Variants in KIRREL1 observed in about 807,000 individuals in gnomAD.
KIRREL1 encodes kin of IRRE-like protein 1.
Under a neutral mutation model 83.3 loss-of-function variants are expected in KIRREL1, and 25 were observed. That is an observed-to-expected ratio of 0.30 (90% CI 0.22 to 0.42). The LOEUF (loss-of-function observed/expected upper bound fraction) is 0.42. KIRREL1 is among the 10% of genes least tolerant of loss of function. The probability of loss-of-function intolerance (pLI) is 1.00; values close to 1 mark genes in which losing one functional copy is unlikely to be tolerated. For missense variants in KIRREL1, 812 were observed against 1,032.3 expected (o/e 0.79, Z 2.92); for synonymous variants, 388 against 410.4 (o/e 0.95, Z 0.66).
At chr1:158,077,018 G>A (rs1241010619) in intron 2 of KIRREL1, among the ~76,000 whole-genome samples, 2 of 152,204 alleles carry the variant, frequency 1.3e-5, no homozygotes, top group Non-Finnish European at 2.9e-5. Context: ...GTGGTTGCAG[G>A]CCGGTCTGCC....
In KIRREL1 at chr1:158,076,158, T is replaced by C; in HGVS notation, c.98T>C (p.Val33Ala). The C allele has an allele frequency of 8.7e-6, 14 of 1,614,156 alleles. No individual in the cohort carries two copies. Among genetic ancestry groups the C allele is most frequent in the Non-Finnish European group, 1.2e-5 (14 of 1,180,010 alleles). ...CAGGAGCCAGCTGACCAGACGGTGGTGGCTGGACAGCGGGCCGTGCTCCCC... is the reference window on the plus strand; with the variant it reads ...CAGGAGCCAGCTGACCAGACGGTGGCGGCTGGACAGCGGGCCGTGCTCCCC... ...FSQEPADQTV[V>A]AGQRAVLPCV... The change falls in exon 2 of 15, where the codon GTG (valine) becomes GCG (alanine). Residue 33 changes from valine to alanine, a missense_variant. Coordinates refer to ENST00000359209, the MANE Select transcript of KIRREL1 (RefSeq NM_018240.7).
At position 158,096,369 on chromosome 1, in the gene KIRREL1, CT is replaced by C. The variant is rs946234511; in HGVS notation, c.*1261del. The C allele has an allele frequency of 0.075, 20,161 of 267,232 alleles. 4 individuals carry two copies. The highest frequency in any genetic ancestry group is 0.14 in the South Asian group (4,343 of 30,238). The allele number at this position is 267,232 out of a possible 1,614,324, so 16.6% of individuals were successfully genotyped here. ...GAGACAGGTTTTGGTTTTTAAGTGT[CT>C]TTTTTTTTTTTCTTGGACCAATCAG... On this transcript the variant is annotated 3_prime_UTR_variant, in exon 15 of 15. Coordinates refer to ENST00000359209, the MANE Select transcript of KIRREL1 (RefSeq NM_018240.7).
chr1:158,081,677 G>A (rs1310054086), intron 3 of KIRREL1, among the ~76,000 whole-genome samples: 1 of 152,168 alleles, frequency 6.6e-6, no homozygotes, highest in Non-Finnish European at 1.5e-5. Flanking sequence ...GGCTCAGCAG[G>A]CACCTTAACA....
chr1:158,075,336 CAA>C (rs1661646364), intron 1 of KIRREL1, among the ~76,000 whole-genome samples: 1 of 152,230 alleles, frequency 6.6e-6, no homozygotes, highest in Admixed American at 6.5e-5. Flanking sequence ...GAGAGTGGAA[CAA>C]AGTCACGTGG....
intron 6 of KIRREL1, 53 bp downstream of exon 6, chr1:158,087,913 G>A (rs1017107230): frequency 1.2e-6 from 2 of 1,607,338 alleles, no homozygotes; most frequent in Admixed American, 3.3e-5. Flanking sequence ...GAAGAGTTCG[G>A]GGTTAGAGGC....
At chr1:158,089,667 G>GCTGGTACTGCAGTTTTTAA in intron 9 of KIRREL1, 39 bp downstream of exon 9, 1 of 1,613,912 alleles carries the variant, frequency 6.2e-7, no homozygotes, top group Non-Finnish European at 8.5e-7. Context: ...GCCTGGGCGG[G>GCTGGTACTGCAGTTTTTAA]CTGGTACTGC....
chr1:157,995,693 G>A (rs995186864), intron 1 of KIRREL1, among the ~76,000 whole-genome samples: 4 of 152,200 alleles, frequency 2.6e-5, no homozygotes, highest in African/African-American at 4.8e-5. Flanking sequence ...TGTGTGTTGT[G>A]TGCCTTTCTC....
rs557709855 is a variant in KIRREL1, at chr1:158,094,415, G to A, written c.1797+25G>A. 1 of 1,606,602 alleles carries A rather than the reference G, an allele frequency of 6.2e-7. No homozygotes were observed. Among genetic ancestry groups the A allele is most frequent in the South Asian group, 1.1e-5 (1 of 90,164 alleles). On this transcript the variant is annotated intron_variant, in intron 14 of 14. Coordinates refer to ENST00000359209, the MANE Select transcript of KIRREL1 (RefSeq NM_018240.7). This position sits in a 1 kb window ranked among gnomAD's most constrained non-coding sequence, Gnocchi z 4.6. ...GGTGGGAAAGGGGGAAGGGGCCAGG[G>A]CATGAGGGCTGGTGGGCCAGTGGGT... is the stretch of plus-strand genomic sequence containing the variant.
chr1:158,032,882 T>C (rs1043075198), intron 1 of KIRREL1, among the ~76,000 whole-genome samples: 2 of 152,206 alleles, frequency 1.3e-5, no homozygotes, highest in Non-Finnish European at 2.9e-5. Context: ...GCAATTCTCC[T>C]GTCTCAGCCT....
chr1:158,087,483 G>T (rs1662048153), intron 5 of KIRREL1, among the ~76,000 whole-genome samples: 2 of 152,062 alleles, frequency 1.3e-5, no homozygotes, highest in Non-Finnish European at 2.9e-5. Context: ...AGCCAAGCAA[G>T]CTCACACTGA....
At position 158,011,748 on chromosome 1, in the gene KIRREL1, G is replaced by A. The variant is rs572270509; in HGVS notation, c.52+18020G>A. ...GAAATCTTGCCAGCTGTGGAGAGGT[G>A]ATTGGTGGGAGGACCGGAGGGCAGC... On this transcript the variant is annotated intron_variant, in intron 1 of 14. Transcript: ENST00000359209. Among the ~76,000 whole-genome samples, 5 of 152,320 alleles carry A rather than the reference G, an allele frequency of 3.3e-5. No individual in the cohort carries two copies. The South Asian group carries it at 1.0e-3, about 32-fold the overall frequency.
chr1:158,084,348 A>C, intron 3 of KIRREL1, 74 bp from the exon 4 acceptor site: 6 of 1,419,780 alleles, frequency 4.2e-6, no homozygotes, highest in Non-Finnish European at 5.7e-6. Flanking sequence ...GGATGCTTCC[A>C]GAGGCAGGAG....
At chr1:157,994,964 G>T (rs1471520345) in intron 1 of KIRREL1, among the ~76,000 whole-genome samples, 3 of 152,166 alleles carry the variant, frequency 2.0e-5, no homozygotes, top group African/African-American at 7.2e-5. Flanking sequence ...CAGGACACAC[G>T]CTCTCACAGA....
chr1:158,017,728 A>G (rs571886725), intron 1 of KIRREL1, among the ~76,000 whole-genome samples: 1 of 146,172 alleles, frequency 6.8e-6, no homozygotes, highest in Non-Finnish European at 1.5e-5. Flanking sequence ...ATTTCTGAGA[A>G]AGAAAATAGT....
intron 1 of KIRREL1, among the ~76,000 whole-genome samples, chr1:158,012,774 G>C (rs971024953): frequency 2.0e-5 from 3 of 152,256 alleles, no homozygotes; most frequent in Admixed American, 6.5e-5. Context: ...TACCCGCCTA[G>C]TGCATGGGCA....
At chr1:158,029,351 G>GTGTGTGTGTC in intron 1 of KIRREL1, among the ~76,000 whole-genome samples, 1 of 149,154 alleles carries the variant, frequency 6.7e-6, no homozygotes, top group Non-Finnish European at 1.5e-5. Context: ...GTGTGTGTGT[G>GTGTGTGTGTC]TGTGTGTGTG....
intron 1 of KIRREL1, among the ~76,000 whole-genome samples, chr1:158,073,695 G>A (rs1327212345): frequency 1.3e-5 from 2 of 152,166 alleles, no homozygotes; most frequent in Non-Finnish European, 1.5e-5. Flanking sequence ...GTGAGCAAAT[G>A]GGGGCCCATA....
chr1:158,060,869 A>G (rs560774237), intron 1 of KIRREL1, among the ~76,000 whole-genome samples: 70 of 152,238 alleles, frequency 4.6e-4, no homozygotes, highest in African/African-American at 1.7e-3. Context: ...CCCAGAGTTT[A>G]GGGCACATTT....
At position 158,093,240 on chromosome 1, in the gene KIRREL1, G is replaced by T. The variant is rs534430032; in HGVS notation, c.1472-99G>T. Reference sequence around the variant, plus strand: ...AACTTAGCCCTGTACACAAGCCAAGGTTGCCTCTGTGGCTGTGGCCTAGCC... The same window carrying T: ...AACTTAGCCCTGTACACAAGCCAAGTTTGCCTCTGTGGCTGTGGCCTAGCC... On this transcript the variant is annotated intron_variant, in intron 11 of 14. Transcript: ENST00000359209. The T allele has an allele frequency of 1.1e-4, 104 of 938,480 alleles. 1 individual carries two copies. The highest frequency in any genetic ancestry group is 1.6e-4 in the Non-Finnish European group (94 of 577,948). The allele number at this position is 938,480 out of a possible 1,614,324, so 58.1% of individuals were successfully genotyped here. A position where few individuals can be genotyped will look rare whatever the true frequency, so the allele number is the denominator to read the frequency against.
Sources: allele counts gnomAD v4.1 joint callset (sites outside exome capture counted in the v4.1 genomes callset), GRCh38; gene constraint gnomAD v4.1.1; non-coding constraint Gnocchi (gnomAD v3.1); transcripts MANE v1.5; gene names NCBI Gene and HGNC (gene_info 2026-07-23, HGNC 2026-07-21).